ADGRB3: variants seen among roughly 807,000 people sequenced by gnomAD.
ADGRB3 encodes brain-specific angiogenesis inhibitor 3.
Under a neutral mutation model 193.4 loss-of-function variants are expected in ADGRB3, and 37 were observed. That is an observed-to-expected ratio of 0.19 (90% CI 0.15 to 0.25). The LOEUF (loss-of-function observed/expected upper bound fraction) is 0.25. Ranked by LOEUF, ADGRB3 falls within the 10% of genes least tolerant of loss-of-function variation. The pLI is 1.00. For missense variants in ADGRB3, 1,637 were observed against 1,852.9 expected (o/e 0.88, Z 2.14); for synonymous variants, 690 against 644.2 (o/e 1.07, Z -1.08).
chr6:69,034,628 A>G (rs1582409833), intron 13 of ADGRB3, among the ~76,000 whole-genome samples: 1 of 148,816 alleles, frequency 6.7e-6, no homozygotes, highest in Non-Finnish European at 1.5e-5. Context: ...TTATATAGCT[A>G]TAAATATATA....
chr6:69,225,822 A>G (rs1582559145), intron 17 of ADGRB3, among the ~76,000 whole-genome samples: 1 of 152,206 alleles, frequency 6.6e-6, no homozygotes, highest in African/African-American at 2.4e-5. Context: ...GTTATTCACC[A>G]CAACACCTAA....
chr6:68,837,291 GAATA>G (rs1243503503), intron 3 of ADGRB3, among the ~76,000 whole-genome samples: 1 of 152,034 alleles, frequency 6.6e-6, no homozygotes, highest in African/African-American at 2.4e-5. Flanking sequence ...GAGACTATAA[GAATA>G]AATAAAGATG....
In ADGRB3 at chr6:68,947,766, G is replaced by T. The variant is rs116163834; in HGVS notation, c.1195+3772G>T. ...TGCTATTGTAATACTATTGTAATGG[G>T]GTGGACTTTGTGAGATGCTGTAAAG... On this transcript the variant is annotated intron_variant, in intron 6 of 31. Transcript: ENST00000370598. 9.9e-3 allele frequency among the ~76,000 whole-genome samples: 1,499 copies of T among 152,158 alleles called. 22 individuals are homozygous for T. Among genetic ancestry groups the T allele is most frequent in the African/African-American group, 0.034 (1,413 of 41,510 alleles).
At chr6:69,373,402 C>T (rs1394377800) in intron 30 of ADGRB3, among the ~76,000 whole-genome samples, 2 of 151,940 alleles carry the variant, frequency 1.3e-5, no homozygotes, top group Admixed American at 6.6e-5. Flanking sequence ...CTGCAATGGT[C>T]AACAATGGTT....
intron 17 of ADGRB3, among the ~76,000 whole-genome samples, chr6:69,078,128 A>C (rs1400069571): frequency 6.6e-6 from 1 of 152,034 alleles, no homozygotes; most frequent in Non-Finnish European, 1.5e-5. Context: ...TTTTATACAG[A>C]AAACGGCTGT....
chr6:69,373,575 G>A (rs1322642102), intron 30 of ADGRB3, among the ~76,000 whole-genome samples: 1 of 152,076 alleles, frequency 6.6e-6, no homozygotes, highest in East Asian at 1.9e-4. Flanking sequence ...ATATTTAATT[G>A]TATCCAAAGT....
intron 3 of ADGRB3, among the ~76,000 whole-genome samples, chr6:68,848,082 A>C (rs1263691315): frequency 1.3e-5 from 2 of 152,112 alleles, no homozygotes; most frequent in Non-Finnish European, 1.5e-5. Context: ...ATCAAGCATA[A>C]AATTAAAATC....
chr6:69,053,579 T>G (rs1771460109), intron 15 of ADGRB3, among the ~76,000 whole-genome samples: 1 of 152,160 alleles, frequency 6.6e-6, no homozygotes, highest in Admixed American at 6.5e-5. Context: ...ATACCAAGGC[T>G]TGAGTTTGTC....
At chr6:68,908,539 C>G (rs1041644634) in intron 3 of ADGRB3, among the ~76,000 whole-genome samples, 2 of 152,052 alleles carry the variant, frequency 1.3e-5, no homozygotes, top group Non-Finnish European at 2.9e-5. Context: ...GCTTTGTAGA[C>G]CCTATCCAAC....
chr6:69,189,337 GT>G (rs1234964441), intron 17 of ADGRB3, among the ~76,000 whole-genome samples: 1 of 152,080 alleles, frequency 6.6e-6, no homozygotes, highest in Non-Finnish European at 1.5e-5. Context: ...ATATTTTGAT[GT>G]TTGCATTTAT....
In ADGRB3 at chr6:69,270,837, T is replaced by C. The variant is rs1214973525; in HGVS notation, c.2814+31611T>C. 2.0e-5 allele frequency among the ~76,000 whole-genome samples: 3 copies of C among 152,350 alleles called. No individual in the cohort carries two copies. The East Asian group carries it at 5.8e-4, about 29-fold the overall frequency. ...TATAAATTTAAGTTGATTTTCCACA[T>C]ATTTTTGTTCTTGTTTTTATACTAT... On this transcript the variant is annotated intron_variant, in intron 20 of 31. Transcript: ENST00000370598.
rs1426819340 is a variant in ADGRB3, at chr6:69,014,033, T to C, written c.1930-5T>C. The C allele has an allele frequency of 6.5e-7, 1 of 1,550,296 alleles. No individual in the cohort carries two copies. Among genetic ancestry groups the C allele is most frequent in the Non-Finnish European group, 8.8e-7 (1 of 1,133,532 alleles). ...ATTAAATCTTTTATCTAATTTAATT[T>C]ACAGAACTTCTTTCAAATAGTTAGC... On this transcript the variant is annotated splice_region_variant and splice_polypyrimidine_tract_variant and intron_variant, in intron 11 of 31. Transcript: ENST00000370598.
chr6:69,016,461 C>T (rs1770095760), intron 12 of ADGRB3, among the ~76,000 whole-genome samples: 1 of 151,858 alleles, frequency 6.6e-6, no homozygotes, highest in African/African-American at 2.4e-5. Flanking sequence ...TTAAGAGCAC[C>T]CTTTGTCACG....
chr6:69,106,903 A>G (rs1773230091), intron 17 of ADGRB3, among the ~76,000 whole-genome samples: 1 of 152,234 alleles, frequency 6.6e-6, no homozygotes, highest in South Asian at 2.1e-4. Context: ...GACTCTGTGC[A>G]TATGCAGCAT....
At chr6:69,100,917 G>C (rs1390804724) in intron 17 of ADGRB3, among the ~76,000 whole-genome samples, 1 of 79,822 alleles carries the variant, frequency 1.3e-5, no homozygotes, top group African/African-American at 5.2e-5. Context: ...AGGGAGGGAA[G>C]GAAGGAAGGA....
intron 30 of ADGRB3, among the ~76,000 whole-genome samples, chr6:69,380,702 T>C (rs1355325665): frequency 6.6e-6 from 1 of 151,964 alleles, no homozygotes; most frequent in Non-Finnish European, 1.5e-5. Context: ...TCCTATCACT[T>C]TCATAGCAGT....
intron 6 of ADGRB3, among the ~76,000 whole-genome samples, chr6:68,947,293 T>C (rs142603208): frequency 1.4e-4 from 22 of 152,242 alleles, no homozygotes; most frequent in African/African-American, 4.8e-4. Context: ...TCACCAAAGT[T>C]CTGGTGGTCC....
chr6:69,141,249 G>A (rs1188868937), intron 17 of ADGRB3, among the ~76,000 whole-genome samples: 1 of 151,788 alleles, frequency 6.6e-6, no homozygotes, highest in South Asian at 2.1e-4. Context: ...TCAGCCTCCC[G>A]AGTAGCTGGG....
intron 20 of ADGRB3, among the ~76,000 whole-genome samples, chr6:69,303,086 C>T (rs996666453): frequency 1.3e-5 from 2 of 151,908 alleles, no homozygotes; most frequent in Non-Finnish European, 2.9e-5. Context: ...TGACATTAGA[C>T]AATAATTGAT....
Sources: gnomAD v4.1 joint callset for allele counts (sites outside exome capture counted in the v4.1 genomes callset) on GRCh38, gnomAD v4.1.1 for gene constraint, MANE v1.5 for transcripts, NCBI Gene and HGNC (gene_info 2026-07-23, HGNC 2026-07-21) for gene names.